The following MGAT5B variants were observed in gnomAD, a reference collection of about 807,000 sequenced individuals.
The protein encoded by MGAT5B is alpha-1,6-mannosylglycoprotein 6-beta-N-acetylglucosaminyltransferase B.
A neutral mutation model predicts 95.1 loss-of-function variants in MGAT5B; 54 were observed. That is an observed-to-expected ratio of 0.57 (90% confidence interval 0.46 to 0.71). The LOEUF (loss-of-function observed/expected upper bound fraction) is 0.71, where lower values mean the gene tolerates loss of function less well. Among genes scored for constraint, MGAT5B ranks in the 30% least tolerant of loss-of-function variants. The pLI, the probability that MGAT5B is intolerant of heterozygous loss-of-function variation, is 0.00. For missense variants in MGAT5B, 935 were observed against 1,088.6 expected (o/e 0.86, Z 1.99); for synonymous variants, 464 against 451.0 (o/e 1.03, Z -0.36).
chr17:76,884,958 G>A (rs949647489), intron 3 of MGAT5B, among the ~76,000 whole-genome samples: 7 of 151,650 alleles, frequency 4.6e-5, no homozygotes, highest in African/African-American at 1.5e-4. Flanking sequence ...GGTTGGTCTC[G>A]AACTCCTGAC....
chr17:76,882,480 G>A, intron 3 of MGAT5B, 182 bp downstream of exon 3: 3 of 697,378 alleles, frequency 4.3e-6, no homozygotes, highest in East Asian at 3.2e-5. Flanking sequence ...GGTCACATTT[G>A]TGGCCTGTTT....
At chr17:76,888,410 G>A (rs912055107) in intron 3 of MGAT5B, among the ~76,000 whole-genome samples, 2 of 152,154 alleles carry the variant, frequency 1.3e-5, no homozygotes, top group African/African-American at 4.8e-5. Context: ...CCAGCCGTGT[G>A]CACTCAGGTC....
chr17:76,900,933 G>T (rs1330104310), intron 3 of MGAT5B, among the ~76,000 whole-genome samples: 5 of 109,090 alleles, frequency 4.6e-5, no homozygotes, highest in Non-Finnish European at 8.7e-5. Context: ...GTGTGCGTGC[G>T]TGTTTGTGTG....
chr17:76,877,329 T>TG (rs780242891), intron 2 of MGAT5B, among the ~76,000 whole-genome samples: 2 of 111,230 alleles, frequency 1.8e-5, no homozygotes, highest in Non-Finnish European at 3.6e-5. Flanking sequence ...TGTCTCGGCT[T>TG]AAAAAAAAAA....
intron 2 of MGAT5B, among the ~76,000 whole-genome samples, chr17:76,874,275 G>A (rs147992078): frequency 0.015 from 2,281 of 152,220 alleles, 20 homozygotes; most frequent in Admixed American, 0.026. Flanking sequence ...CTGTCAAACG[G>A]CGAGCACTCC....
chr17:76,890,568 A>G (rs1230921286), intron 3 of MGAT5B, among the ~76,000 whole-genome samples: 4 of 152,164 alleles, frequency 2.6e-5, no homozygotes, highest in Non-Finnish European at 5.9e-5. Context: ...CAGTGGCACA[A>G]TCACAGCTCC....
At position 76,868,465 on chromosome 17, in the gene MGAT5B, G is replaced by C. The variant is rs1019688324; in HGVS notation, c.-565G>C. ...CCGGGCGTAGCGTCGCGCGGGGCCGGACGCCGGACACCAGAGCGCGGGCGG... is the reference window on the plus strand; with the variant it reads ...CCGGGCGTAGCGTCGCGCGGGGCCGCACGCCGGACACCAGAGCGCGGGCGG... On this transcript the variant is annotated 5_prime_UTR_variant, in exon 1 of 18. Coordinates refer to ENST00000569840, the MANE Select transcript of MGAT5B (RefSeq NM_001199172.2). The surrounding 1 kb of genome is among the most constrained non-coding windows in gnomAD (Gnocchi z 6.3). 3.3e-5 allele frequency: 5 copies of C among 150,464 alleles called. No homozygotes were observed. Among genetic ancestry groups the C allele is most frequent in the African/African-American group, 1.2e-4 (5 of 41,226 alleles). The allele number at this position is 150,464 out of a possible 1,614,324, so 9.3% of individuals were successfully genotyped here.
intron 3 of MGAT5B, among the ~76,000 whole-genome samples, chr17:76,887,525 CCCTCCCTT>C (rs558963252): frequency 0.086 from 6,314 of 73,688 alleles, 518 homozygotes; most frequent in African/African-American, 0.26. Flanking sequence ...CTCCCTCCCT[CCCTCCCTT>C]CCTTCCTTCC....
At chr17:76,874,439 C>T (rs1378859963) in intron 2 of MGAT5B, among the ~76,000 whole-genome samples, 4 of 151,814 alleles carry the variant, frequency 2.6e-5, no homozygotes, top group Non-Finnish European at 5.9e-5. Context: ...GAAGGTGAAC[C>T]GGAAGGGTGG....
At chr17:76,898,986 C>T (rs532933399) in intron 3 of MGAT5B, among the ~76,000 whole-genome samples, 2 of 152,258 alleles carry the variant, frequency 1.3e-5, no homozygotes, top group African/African-American at 2.4e-5. Flanking sequence ...GGACTCCATT[C>T]GGGGTTTCAG....
At chr17:76,932,562 T>A in intron 10 of MGAT5B, 83 bp from the exon 11 acceptor site, 11 of 1,516,946 alleles carry the variant, frequency 7.3e-6, no homozygotes, top group East Asian at 5.0e-5. Flanking sequence ...AAAGAGGACC[T>A]CTTGGGCGGG....
intron 2 of MGAT5B, among the ~76,000 whole-genome samples, chr17:76,877,324 C>T (rs894011665): frequency 3.2e-5 from 4 of 125,304 alleles, no homozygotes; most frequent in Admixed American, 9.0e-5. Flanking sequence ...GACTCTGTCT[C>T]GGCTTAAAAA....
At chr17:76,882,442 C>A in intron 3 of MGAT5B, 144 bp downstream of exon 3, 1 of 958,770 alleles carries the variant, frequency 1.0e-6, no homozygotes, top group Non-Finnish European at 1.4e-6. Context: ...GCATTTCTAC[C>A]ACCCAAATTT....
At chr17:76,883,053 A>C (rs544180805) in intron 3 of MGAT5B, among the ~76,000 whole-genome samples, 6 of 151,984 alleles carry the variant, frequency 3.9e-5, no homozygotes, top group African/African-American at 1.4e-4. Context: ...GCTGGAGTGA[A>C]GTGGCACGAT....
At chr17:76,946,535 T>C in intron 16 of MGAT5B, 85 bp downstream of exon 16, 2 of 1,202,356 alleles carry the variant, frequency 1.7e-6, no homozygotes, top group South Asian at 1.7e-5. Context: ...CCCAGGGCCC[T>C]GCACCCGTGA....
At chr17:76,897,731 CTTTTTTTT>C (rs59682650) in intron 3 of MGAT5B, among the ~76,000 whole-genome samples, 12 of 84,854 alleles carry the variant, frequency 1.4e-4, no homozygotes, top group African/African-American at 2.5e-4. Flanking sequence ...CTTTCTTTTT[CTTTTTTTT>C]TTTTTTTTTT....
chr17:76,881,741 G>A (rs1037227700), intron 2 of MGAT5B, among the ~76,000 whole-genome samples: 10 of 152,224 alleles, frequency 6.6e-5, no homozygotes, highest in East Asian at 1.9e-4. Flanking sequence ...GGAGCTTACC[G>A]TTTGGGGGCT....
At chr17:76,898,569 C>T (rs1968186622) in intron 3 of MGAT5B, among the ~76,000 whole-genome samples, 1 of 152,058 alleles carries the variant, frequency 6.6e-6, no homozygotes, top group South Asian at 2.1e-4. Context: ...TCCCAAAGTG[C>T]TGGGATTACA....
At chr17:76,875,486 C>G (rs1049239063) in intron 2 of MGAT5B, among the ~76,000 whole-genome samples, 2 of 152,066 alleles carry the variant, frequency 1.3e-5, no homozygotes, top group African/African-American at 4.8e-5. Flanking sequence ...ATGCTGGACT[C>G]TGAGTCAATT....
Sources: allele counts gnomAD v4.1 joint callset (sites outside exome capture counted in the v4.1 genomes callset), GRCh38; gene constraint gnomAD v4.1.1; non-coding constraint Gnocchi (gnomAD v3.1); transcripts MANE v1.5; gene names NCBI Gene and HGNC (gene_info 2026-07-23, HGNC 2026-07-21).